Variants in PLCG2 observed in about 807,000 individuals in gnomAD.
PLCG2 encodes the protein phospholipase C gamma 2, also known as 1-phosphatidylinositol 4,5-bisphosphate phosphodiesterase gamma-2.
Under a neutral mutation model 175.6 loss-of-function variants are expected in PLCG2, and 69 were observed. That is an observed-to-expected ratio of 0.39 (90% CI 0.32 to 0.48). The LOEUF (loss-of-function observed/expected upper bound fraction) is 0.48. Among genes scored for constraint, PLCG2 ranks in the 20% least tolerant of loss-of-function variants. The pLI, the probability that PLCG2 is intolerant of heterozygous loss-of-function variation, is 0.91. For missense variants in PLCG2, 1,798 were observed against 1,650.9 expected, an observed-to-expected ratio of 1.09 and a Z score of -1.54; for synonymous variants, 827 against 624.0, an observed-to-expected ratio of 1.33 and a Z score of -4.85.
intron 2 of PLCG2, among the ~76,000 whole-genome samples, chr16:81,795,392 C>G (rs936721681): frequency 6.6e-6 from 1 of 152,172 alleles, no homozygotes; most frequent in African/African-American, 2.4e-5. Flanking sequence ...GGAGAGCATT[C>G]TGGCATAGGG....
intron 2 of PLCG2, among the ~76,000 whole-genome samples, chr16:81,787,558 A>G (rs56075600): frequency 0.033 from 4,818 of 145,724 alleles, 248 homozygotes; most frequent in African/African-American, 0.11. Context: ...TTTATAATAG[A>G]TTGATTGAGA....
rs1475184969 is a variant in PLCG2, at chr16:81,934,524, C to G, written c.2835C>G (p.Asp945Glu). The G allele has an allele frequency of 1.3e-6, 2 of 1,597,128 alleles. No individual in the cohort carries two copies. Among genetic ancestry groups the G allele is most frequent in the South Asian group, 1.1e-5 (1 of 90,636 alleles). The change falls in exon 26 of 33, where the codon GAC becomes GAG. Residue 945 changes from aspartate to glutamate, a missense_variant. Transcript: ENST00000564138. The stretch of plus-strand genomic sequence containing the variant: ...GCAAACCAACCAGCAAAACCAAGGA[C>G]AACTTAGGTAACATCTTTCCCAAGA... ...VYCKPTSKTK[D>E]NLENPDFREI... is the part of the protein sequence containing the mutation.
upstream of PLCG2, chr16:81,779,274 G>C (rs931426427): frequency 3.0e-4 from 46 of 150,882 alleles, no homozygotes; most frequent in East Asian, 2.5e-3. Flanking sequence ...CACGTGGCGC[G>C]GCGCCGCGGC....
chr16:81,784,118 TG>T (rs1285432246), intron 1 of PLCG2, among the ~76,000 whole-genome samples: 2 of 152,130 alleles, frequency 1.3e-5, no homozygotes, highest in South Asian at 2.1e-4. Context: ...AGAGAGCAGG[TG>T]TAATTATCTC....
At chr16:81,740,724 CAAAAAAAAAAAAAAAAAAAA>C (rs746287603) in intron 1 of PLCG2, 4,494 of 27,948 alleles carry the variant, frequency 0.16, 206 homozygotes, top group East Asian at 0.41. Context: ...GACTCCATCT[CAAAAAAAAAAAAAAAAAAAA>C]AAAAAAAAAA....
At chr16:81,905,554 AG>A (rs1567525991) in intron 15 of PLCG2, 47 bp downstream of exon 15, 1 of 1,251,144 alleles carries the variant, frequency 8.0e-7, no homozygotes, top group Admixed American at 1.7e-5. Context: ...CGCCCCTTGC[AG>A]CTGCTTCTTG....
intron 1 of PLCG2, among the ~76,000 whole-genome samples, chr16:81,753,046 T>G (rs920897943): frequency 6.6e-6 from 1 of 152,236 alleles, no homozygotes; most frequent in Non-Finnish European, 1.5e-5. Context: ...TACTATTAGC[T>G]AGTGCCTGTG....
chr16:81,866,934 A>G (rs887467713), intron 5 of PLCG2, among the ~76,000 whole-genome samples: 4 of 152,186 alleles, frequency 2.6e-5, no homozygotes, highest in Non-Finnish European at 5.9e-5. Flanking sequence ...CCCTGGGGCA[A>G]CTTCCCTAGC....
intron 2 of PLCG2, among the ~76,000 whole-genome samples, chr16:81,799,784 G>A (rs1018651282): frequency 5.3e-5 from 8 of 151,718 alleles, no homozygotes; most frequent in East Asian, 3.9e-4. Context: ...TAGTGGAGAT[G>A]GGGTTTCACC....
At chr16:81,822,039 G>T (rs946391650) in intron 2 of PLCG2, among the ~76,000 whole-genome samples, 1 of 152,312 alleles carries the variant, frequency 6.6e-6, no homozygotes, top group East Asian at 1.9e-4. Context: ...TCTCCAGTGT[G>T]TATGCAAAGC....
At chr16:81,866,948 C>T (rs1907269528) in intron 5 of PLCG2, among the ~76,000 whole-genome samples, 1 of 152,264 alleles carries the variant, frequency 6.6e-6, no homozygotes, top group South Asian at 2.1e-4. Flanking sequence ...CCCTAGCCTG[C>T]TGGCCGCTGT....
Position 81,880,951 on chromosome 16 carries a change from G to A in PLCG2, c.690G>A (p.Leu230=), listed in dbSNP as rs1219263211. 6.2e-7 allele frequency: 1 copy of A among 1,614,032 alleles called. No individual in the cohort carries two copies. The highest frequency in any genetic ancestry group is 1.1e-5 in the South Asian group (1 of 91,080). ...AAAAGGATTCGTCCGTGTTCATCCT[G>A]GGGTGAGGCAGCTCTTGTGTGTCGT... The part of the protein sequence containing the change: ...EFKKDSSVFI[L]GNTDRPDASA... The change falls in exon 8 of 33, where the codon CTG becomes CTA. Residue 230 remains leucine (L), a splice_region_variant and synonymous_variant. Transcript: ENST00000564138.
At chr16:81,771,704 A>G (rs549374863) in intron 2 of PLCG2, among the ~76,000 whole-genome samples, 4 of 151,460 alleles carry the variant, frequency 2.6e-5, no homozygotes, top group Admixed American at 2.6e-4. Context: ...AAAAACAACA[A>G]CAAAAAAACT....
At chr16:81,743,315 C>T (rs948283670) in intron 1 of PLCG2, among the ~76,000 whole-genome samples, 2 of 152,178 alleles carry the variant, frequency 1.3e-5, no homozygotes, top group Non-Finnish European at 2.9e-5. Context: ...AGCACCACGG[C>T]CTTCCAGTCT....
At chr16:81,851,021 G>C (rs1906379780) in intron 2 of PLCG2, among the ~76,000 whole-genome samples, 1 of 152,164 alleles carries the variant, frequency 6.6e-6, no homozygotes, top group Admixed American at 6.5e-5. Context: ...CCCCCAGCCA[G>C]CTTGTAGTAG....
At chr16:81,889,607 C>T (rs553449657) in intron 10 of PLCG2, among the ~76,000 whole-genome samples, 1 of 151,932 alleles carries the variant, frequency 6.6e-6, no homozygotes, top group African/African-American at 2.4e-5. Flanking sequence ...TCAAATCATC[C>T]TCCCTTTCAG....
At position 81,787,393 on chromosome 16, in the gene PLCG2, A is replaced by ATTTTTTTTTTTTTTTTTTT. The variant is rs67160306; in HGVS notation, c.193+1229_193+1230insTTTTTTTTTTTTTTTTTTT. On this transcript the variant is annotated intron_variant, in intron 2 of 32. Transcript: ENST00000564138. ...TGCACCGCCATGCCTGGATAATTTA[A>ATTTTTTTTTTTTTTTTTTT]TTTTTTTTTTTTTTTTTTGTAGAGA... is the stretch of plus-strand genomic sequence containing the variant. 2.3e-4 allele frequency among the ~76,000 whole-genome samples: 22 copies of ATTTTTTTTTTTTTTTTTTT among 94,552 alleles called. 1 individual carries two copies. Among genetic ancestry groups the ATTTTTTTTTTTTTTTTTTT allele is most frequent in the South Asian group, 3.3e-4 (1 of 3,076 alleles). 62.0% of individuals were successfully genotyped at this position (94,552 alleles called of 152,430 possible).
chr16:81,900,331 A>C (rs951384019), intron 13 of PLCG2, among the ~76,000 whole-genome samples: 2 of 152,170 alleles, frequency 1.3e-5, no homozygotes, highest in East Asian at 3.8e-4. Context: ...TTTTTTCTGT[A>C]AGTTTAAAGA....
At chr16:81,788,756 C>A (rs973804986) in intron 2 of PLCG2, among the ~76,000 whole-genome samples, 2 of 152,198 alleles carry the variant, frequency 1.3e-5, no homozygotes, top group Non-Finnish European at 2.9e-5. Context: ...CAGTGGGTCT[C>A]TTGTGGCACA....
Sources: allele counts gnomAD v4.1 joint callset (sites outside exome capture counted in the v4.1 genomes callset), GRCh38; gene constraint gnomAD v4.1.1; transcripts MANE v1.5; gene names NCBI Gene and HGNC (gene_info 2026-07-23, HGNC 2026-07-21).